Variants in KPNA3 observed in about 807,000 individuals in gnomAD.
KPNA3 encodes the protein importin subunit alpha-4.
A neutral mutation model predicts 73.8 loss-of-function variants in KPNA3; 13 were observed. That is an observed-to-expected ratio of 0.18 (90% CI 0.11 to 0.28). KPNA3 has a LOEUF of 0.28. KPNA3 is among the 10% of genes least tolerant of loss of function. The pLI, the probability that KPNA3 is intolerant of heterozygous loss-of-function variation, is 1.00. For missense variants in KPNA3, 360 were observed against 618.1 expected (o/e 0.58, Z 4.43); for synonymous variants, 186 against 206.9 (o/e 0.90, Z 0.87).
intron 2 of KPNA3, among the ~76,000 whole-genome samples, chr13:49,733,733 A>G (rs1371063041): frequency 6.6e-6 from 1 of 152,246 alleles, no homozygotes; most frequent in Non-Finnish European, 1.5e-5. Flanking sequence ...AACAGACTTG[A>G]AAAGTGCTTA....
intron 6 of KPNA3, among the ~76,000 whole-genome samples, chr13:49,728,471 G>A (rs1404935140): frequency 6.6e-6 from 1 of 152,130 alleles, no homozygotes; most frequent in Non-Finnish European, 1.5e-5. Context: ...CAAAACCATT[G>A]TGCCCAGATA....
At chr13:49,746,316 G>C (rs1181166226) in intron 2 of KPNA3, among the ~76,000 whole-genome samples, 4 of 150,692 alleles carry the variant, frequency 2.7e-5, no homozygotes, top group African/African-American at 7.5e-5. Context: ...TGGGTGTGGT[G>C]GTGTGCCTGT....
rs144249574 is a variant in KPNA3, at chr13:49,707,535, C to T, written c.1033-1163G>A. Among the ~76,000 whole-genome samples, 513 of 150,828 alleles carry T rather than the reference C, an allele frequency of 3.4e-3. 1 individual carries two copies. Among genetic ancestry groups the T allele is most frequent in the Non-Finnish European group, 4.8e-3 (327 of 67,820 alleles). On this transcript the variant is annotated intron_variant, in intron 12 of 16. Coordinates refer to ENST00000261667, the MANE Select transcript of KPNA3 (RefSeq NM_002267.4). ...AAAAAATTTTTGAAGTAACTAATTG[C>T]TTGCTGAAGTTGAGATGGCATTTCT...
chr13:49,739,121 C>T (rs1356640893), intron 2 of KPNA3, among the ~76,000 whole-genome samples: 2 of 152,158 alleles, frequency 1.3e-5, no homozygotes, highest in Non-Finnish European at 2.9e-5. Flanking sequence ...ATTAACTAAA[C>T]AAGTACTGGA....
intron 15 of KPNA3, among the ~76,000 whole-genome samples, chr13:49,702,995 A>G (rs554518353): frequency 2.6e-5 from 4 of 151,844 alleles, no homozygotes; most frequent in Non-Finnish European, 5.9e-5. Context: ...AAGCCTCCCA[A>G]GTAGCTGGGA....
Position 49,750,066 on chromosome 13 carries a change from T to A in KPNA3, c.70-3073A>T, listed in dbSNP as rs1313701776. Among the ~76,000 whole-genome samples the A allele has an allele frequency of 2.0e-5, 3 of 152,194 alleles. No individual in the cohort carries two copies. In the East Asian group the frequency reaches 5.8e-4, roughly 29 times the overall value. On this transcript the variant is annotated intron_variant, in intron 1 of 16. Coordinates refer to ENST00000261667, the MANE Select transcript of KPNA3 (RefSeq NM_002267.4). ...CACTCTGTCTCTTAAGCTCCTAATC[T>A]ATAAGTCATTCACCCATTCAACAAA...
chr13:49,760,126 T>C (rs1954746475), intron 1 of KPNA3, among the ~76,000 whole-genome samples: 1 of 152,156 alleles, frequency 6.6e-6, no homozygotes, highest in African/African-American at 2.4e-5. Flanking sequence ...AGTGACATGA[T>C]AAGATGTAAA....
chr13:49,724,788 G>A (rs537895903), intron 7 of KPNA3, among the ~76,000 whole-genome samples: 4 of 152,140 alleles, frequency 2.6e-5, no homozygotes, highest in East Asian at 1.9e-4. Flanking sequence ...GTAGAGACAC[G>A]ATTTTGTCAT....
At chr13:49,711,322 C>T (rs1229631467) in intron 10 of KPNA3, among the ~76,000 whole-genome samples, 2 of 152,170 alleles carry the variant, frequency 1.3e-5, no homozygotes, top group African/African-American at 2.4e-5. Context: ...AAGTAATTCT[C>T]CCTGCCCTCA....
chr13:49,741,456 CTT>C (rs1190219673), intron 2 of KPNA3, among the ~76,000 whole-genome samples: 26 of 139,538 alleles, frequency 1.9e-4, no homozygotes, highest in African/African-American at 2.1e-4. Flanking sequence ...CTCTTTTGCC[CTT>C]TTTTTTTTTT....
In KPNA3 at chr13:49,717,601, C is replaced by T. The variant is rs553976491; in HGVS notation, c.771+2174G>A. Among the ~76,000 whole-genome samples the T allele has an allele frequency of 7.0e-4, 107 of 152,264 alleles. 2 individuals are homozygous for T. In the East Asian group the frequency reaches 0.011, roughly 16 times the overall value. On this transcript the variant is annotated intron_variant, in intron 10 of 16. Transcript: ENST00000261667. Reference sequence around the variant, plus strand: ...GACTTTCTCTCAACCTGTGAAAATCCTATTCATCCTAGTTATATGACATGA... The same window carrying T: ...GACTTTCTCTCAACCTGTGAAAATCTTATTCATCCTAGTTATATGACATGA...
At position 49,746,887 on chromosome 13, in the gene KPNA3, T is replaced by C. The variant is rs1469344707; in HGVS notation, c.114+62A>G. The C allele has an allele frequency of 2.4e-6, 3 of 1,228,764 alleles. No individual in the cohort carries two copies. In the East Asian group the frequency reaches 7.0e-5, roughly 29 times the overall value. 76.1% of individuals were successfully genotyped at this position (1,228,764 alleles called of 1,614,324 possible). Reference sequence around the variant, plus strand: ...GCCACAGTATTTTCATTATTCAAGATACACAGAATTTTAACATCAGAAAAA... The same window carrying C: ...GCCACAGTATTTTCATTATTCAAGACACACAGAATTTTAACATCAGAAAAA... On this transcript the variant is annotated intron_variant, in intron 2 of 16. Transcript: ENST00000261667.
chr13:49,757,232 T>C (rs115770024), intron 1 of KPNA3, among the ~76,000 whole-genome samples: 4,142 of 148,812 alleles, frequency 0.028, 191 homozygotes, highest in African/African-American at 0.096. Context: ...AACACCCATG[T>C]AAAGAAGATA....
intron 2 of KPNA3, among the ~76,000 whole-genome samples, chr13:49,744,915 C>T (rs1378082622): frequency 6.6e-6 from 1 of 152,058 alleles, no homozygotes; most frequent in African/African-American, 2.4e-5. Context: ...TCAATTTATC[C>T]TTCAGGTTTC....
At chr13:49,708,277 G>C (rs76895291) in intron 12 of KPNA3, among the ~76,000 whole-genome samples, 18,429 of 152,160 alleles carry the variant, frequency 0.12, 2,226 homozygotes, top group East Asian at 0.58. Context: ...TTACAGGCAT[G>C]AGCCACCATG....
At chr13:49,750,597 A>G in intron 1 of KPNA3, among the ~76,000 whole-genome samples, 1 of 152,088 alleles carries the variant, frequency 6.6e-6, no homozygotes, top group Non-Finnish European at 1.5e-5. Context: ...GTGCCACTGC[A>G]TTTCAGCCTA....
intron 1 of KPNA3, among the ~76,000 whole-genome samples, chr13:49,760,896 T>G (rs1954753216): frequency 6.6e-6 from 1 of 152,194 alleles, no homozygotes; most frequent in South Asian, 2.1e-4. Context: ...ATTCTTGCTG[T>G]CAGAACTCCA....
At chr13:49,749,309 G>A (rs925078919) in intron 1 of KPNA3, among the ~76,000 whole-genome samples, 1 of 152,194 alleles carries the variant, frequency 6.6e-6, no homozygotes, top group Admixed American at 6.5e-5. Flanking sequence ...CTTCGAATAT[G>A]AACATCTCAA....
intron 1 of KPNA3, among the ~76,000 whole-genome samples, chr13:49,783,089 A>G (rs1177307383): frequency 6.6e-6 from 1 of 152,188 alleles, no homozygotes; most frequent in Non-Finnish European, 1.5e-5. Flanking sequence ...TGTTAATTTA[A>G]CAACCTGAAG....
Sources: allele counts gnomAD v4.1 joint callset (sites outside exome capture counted in the v4.1 genomes callset), GRCh38; gene constraint gnomAD v4.1.1; transcripts MANE v1.5; gene names NCBI Gene and HGNC (gene_info 2026-07-23, HGNC 2026-07-21).